The following CEP112 variants were observed in gnomAD, a reference collection of about 807,000 sequenced individuals.
CEP112 encodes the protein centrosomal protein of 112 kDa.
Under a neutral mutation model 153.0 loss-of-function variants are expected in CEP112, and 127 were observed. The observed-to-expected ratio is 0.83, with a 90% confidence interval of 0.72 to 0.96. The LOEUF (loss-of-function observed/expected upper bound fraction) is 0.96, where lower values mean the gene tolerates loss of function less well. Among genes scored for constraint, CEP112 ranks in the 40% least tolerant of loss-of-function variants. The probability of loss-of-function intolerance (pLI) is 0.00; values close to 1 mark genes in which losing one functional copy is unlikely to be tolerated. For missense variants in CEP112, 1,089 were observed against 1,101.2 expected (o/e 0.99, Z 0.16); for synonymous variants, 358 against 374.4 (o/e 0.96, Z 0.51).
At chr17:65,780,024 C>T (rs958143847) in intron 21 of CEP112, among the ~76,000 whole-genome samples, 3 of 152,064 alleles carry the variant, frequency 2.0e-5, no homozygotes, top group African/African-American at 7.2e-5. Flanking sequence ...GGTCCTATTT[C>T]TGAATATGTC....
intron 18 of CEP112, among the ~76,000 whole-genome samples, chr17:65,938,013 G>C (rs1380737868): frequency 1.7e-5 from 2 of 119,306 alleles, no homozygotes; most frequent in Non-Finnish European, 3.5e-5. Context: ...AAATCGGATG[G>C]TTGCCGTGTC....
intron 21 of CEP112, among the ~76,000 whole-genome samples, chr17:65,832,951 T>A (rs1470221917): frequency 1.3e-5 from 2 of 151,862 alleles, no homozygotes; most frequent in African/African-American, 2.4e-5. Flanking sequence ...GTTGCAAAAA[T>A]CCTCAACAAA....
chr17:65,956,776 A>C (rs2062018349), intron 18 of CEP112, among the ~76,000 whole-genome samples: 1 of 152,122 alleles, frequency 6.6e-6, no homozygotes, highest in African/African-American at 2.4e-5. Flanking sequence ...AAACCTATTG[A>C]AATAAAAAAA....
At chr17:65,656,365 G>A (rs1033841123) in intron 24 of CEP112, among the ~76,000 whole-genome samples, 2 of 152,334 alleles carry the variant, frequency 1.3e-5, no homozygotes, top group Admixed American at 1.3e-4. Flanking sequence ...AGTTAGCCCT[G>A]TCTTTGGATT....
chr17:66,061,018 T>C (rs1044203578), intron 11 of CEP112, among the ~76,000 whole-genome samples: 1 of 151,558 alleles, frequency 6.6e-6, no homozygotes, highest in Non-Finnish European at 1.5e-5. Flanking sequence ...ACATCTGATA[T>C]GGGGTTTATA....
At chr17:65,875,854 T>C (rs1490989091) in intron 20 of CEP112, among the ~76,000 whole-genome samples, 1 of 152,184 alleles carries the variant, frequency 6.6e-6, no homozygotes, top group African/African-American at 2.4e-5. Context: ...ATTTTCTATG[T>C]TTCATGTATA....
At chr17:65,756,504 A>G (rs1258602394) in intron 21 of CEP112, among the ~76,000 whole-genome samples, 1 of 151,862 alleles carries the variant, frequency 6.6e-6, no homozygotes, top group Non-Finnish European at 1.5e-5. Flanking sequence ...GTTGTGTCAA[A>G]TGCTACAGAG....
chr17:65,662,407 G>A (rs2046431652), intron 24 of CEP112, among the ~76,000 whole-genome samples: 1 of 152,132 alleles, frequency 6.6e-6, no homozygotes, highest in Admixed American at 6.5e-5. Context: ...TTTCACTAGT[G>A]TGCTCTTTCA....
At chr17:66,155,549 C>T (rs1400661202) in intron 4 of CEP112, among the ~76,000 whole-genome samples, 2 of 151,782 alleles carry the variant, frequency 1.3e-5, no homozygotes, top group Admixed American at 6.6e-5. Context: ...GAGACAGAAC[C>T]GTTCACTCCC....
At chr17:65,803,470 TAAAAC>T (rs1044128137) in intron 21 of CEP112, among the ~76,000 whole-genome samples, 2 of 152,226 alleles carry the variant, frequency 1.3e-5, no homozygotes, top group Non-Finnish European at 2.9e-5. Context: ...AATATGTGCT[TAAAAC>T]AAAAGTATCT....
intron 6 of CEP112, among the ~76,000 whole-genome samples, chr17:66,104,547 C>T (rs566132750): frequency 1.1e-4 from 17 of 152,262 alleles, no homozygotes. Context: ...CCCGCACATT[C>T]CCAGATGTGG....
chr17:65,883,446 C>T (rs1339072789), intron 20 of CEP112, among the ~76,000 whole-genome samples: 7 of 152,044 alleles, frequency 4.6e-5, no homozygotes, highest in East Asian at 1.9e-4. Flanking sequence ...CTGTAACCTC[C>T]GCCTCCTGGG....
At chr17:65,803,190 C>A (rs1019557163) in intron 21 of CEP112, among the ~76,000 whole-genome samples, 1 of 152,212 alleles carries the variant, frequency 6.6e-6, no homozygotes. Context: ...GTGAAGAAGA[C>A]TTCAATATGA....
chr17:65,978,152 G>T (rs67207291), intron 17 of CEP112, among the ~76,000 whole-genome samples: 50,402 of 151,820 alleles, frequency 0.33, 9,744 homozygotes, highest in Non-Finnish European at 0.45. Flanking sequence ...AGCCACCTGG[G>T]AGGCTGAGGC....
Position 66,029,137 on chromosome 17 carries a change from G to C in CEP112, c.1489C>G (p.Leu497Val). Residue 497 changes from leucine (L) to valine (V), a missense_variant, in exon 14 of 27, where the codon CTT becomes GTT. Physicochemically the swap from Leu to Val is conservative, Grantham distance 32. Coordinates refer to ENST00000535342, the MANE Select transcript of CEP112 (RefSeq NM_001199165.4). ...DINLLKQEHA[L>V]SASKASSMIE... ...ATAAATAATACCTTAGAAGCTGAAA[G>C]AGCATGTTCTTGTTTTAGAAGGTTT... is the stretch of plus-strand genomic sequence containing the variant. 1.2e-6 allele frequency: 2 copies of C among 1,601,396 alleles called. No individual in the cohort carries two copies. Among genetic ancestry groups the C allele is most frequent in the South Asian group, 1.1e-5 (1 of 90,372 alleles).
intron 21 of CEP112, among the ~76,000 whole-genome samples, chr17:65,791,704 A>G (rs752448026): frequency 6.6e-6 from 1 of 152,226 alleles, no homozygotes; most frequent in African/African-American, 2.4e-5. Context: ...GGTAATCAAG[A>G]CTGCTTAGTG....
At chr17:65,754,532 T>C (rs949418261) in intron 21 of CEP112, among the ~76,000 whole-genome samples, 3 of 152,052 alleles carry the variant, frequency 2.0e-5, no homozygotes, top group African/African-American at 7.2e-5. Context: ...TCATTTGAAC[T>C]GGGAGGCGGA....
chr17:65,839,571 G>C (rs2057441679), intron 21 of CEP112, among the ~76,000 whole-genome samples: 1 of 151,586 alleles, frequency 6.6e-6, no homozygotes, highest in Admixed American at 6.6e-5. Flanking sequence ...ATAGTGAAAA[G>C]GGAAAAATTG....
intron 20 of CEP112, among the ~76,000 whole-genome samples, chr17:65,876,748 G>C (rs2058841607): frequency 6.6e-6 from 1 of 151,542 alleles, no homozygotes; most frequent in Non-Finnish European, 1.5e-5. Context: ...TTTTGTCTCT[G>C]CTTGTTGTTC....
Sources: allele counts gnomAD v4.1 joint callset (sites outside exome capture counted in the v4.1 genomes callset), GRCh38; gene constraint gnomAD v4.1.1; transcripts MANE v1.5; gene names NCBI Gene and HGNC (gene_info 2026-07-23, HGNC 2026-07-21).